The following B3GAT2 variants were observed in gnomAD, a reference collection of about 807,000 sequenced individuals.
The protein encoded by B3GAT2 is galactosylgalactosylxylosylprotein 3-beta-glucuronosyltransferase 2.
B3GAT2 carries 26 observed loss-of-function variants against 27.8 expected under a neutral mutation model. That is an observed-to-expected ratio of 0.93 (90% CI 0.68 to 1.30). The LOEUF (loss-of-function observed/expected upper bound fraction) is 1.30, where lower values mean the gene tolerates loss of function less well. Among genes scored for constraint, B3GAT2 ranks in the 50% most tolerant of loss-of-function variants. The pLI is 0.00. For missense variants in B3GAT2, 458 were observed against 459.0 expected (o/e 1.00, Z 0.02); for synonymous variants, 218 against 195.1 (o/e 1.12, Z -0.98).
intron 2 of B3GAT2, among the ~76,000 whole-genome samples, chr6:70,888,270 TA>T (rs1409449354): frequency 2.6e-5 from 4 of 151,954 alleles, no homozygotes; most frequent in Non-Finnish European, 5.9e-5. Context: ...TTACACAAAA[TA>T]GGTGTTCTGG....
intron 1 of B3GAT2, among the ~76,000 whole-genome samples, chr6:70,913,914 CT>C (rs1410282314): frequency 6.6e-6 from 1 of 152,152 alleles, no homozygotes; most frequent in Non-Finnish European, 1.5e-5. Flanking sequence ...ATATTTAAGT[CT>C]TCTTGTTGAA....
At chr6:70,926,935 G>A (rs1205009979) in intron 1 of B3GAT2, among the ~76,000 whole-genome samples, 1 of 152,138 alleles carries the variant, frequency 6.6e-6, no homozygotes, top group East Asian at 1.9e-4. Context: ...AGAAAGGTCG[G>A]GTTACCCACA....
At chr6:70,892,480 T>C (rs941021061) in intron 2 of B3GAT2, among the ~76,000 whole-genome samples, 3 of 152,196 alleles carry the variant, frequency 2.0e-5, no homozygotes, top group African/African-American at 7.2e-5. Context: ...TAAGGAGATA[T>C]GTCTGGGAAG....
chr6:70,891,232 CAGCTT>C (rs1772283797), intron 2 of B3GAT2, among the ~76,000 whole-genome samples: 1 of 152,190 alleles, frequency 6.6e-6, no homozygotes, highest in African/African-American at 2.4e-5. Flanking sequence ...GGCTACTGGT[CAGCTT>C]TGAAGCCAAC....
intron 2 of B3GAT2, among the ~76,000 whole-genome samples, chr6:70,869,177 T>C (rs1368572161): frequency 6.6e-6 from 1 of 152,194 alleles, no homozygotes; most frequent in East Asian, 1.9e-4. Flanking sequence ...ACTGTATTAC[T>C]GTAGTTTGCT....
In B3GAT2 at chr6:70,957,032, C is replaced by T. The variant is rs1765669708; in HGVS notation, c.-603G>A. On this transcript the variant is annotated 5_prime_UTR_variant, in exon 1 of 4. Transcript: ENST00000230053. ...CCTGCTCTCAGTCCCTTGCTCTTGTCTTCTCAGAACCTCTCCGGATCCAGC... is the reference window on the plus strand; with the variant it reads ...CCTGCTCTCAGTCCCTTGCTCTTGTTTTCTCAGAACCTCTCCGGATCCAGC... 3.7e-5 allele frequency: 37 copies of T among 988,410 alleles called. No homozygotes were observed. The highest frequency in any genetic ancestry group is 4.4e-5 in the Non-Finnish European group (37 of 832,222). The allele number at this position is 988,410 out of a possible 1,614,324, so 61.2% of individuals were successfully genotyped here. A position where few individuals can be genotyped will look rare whatever the true frequency, so the allele number is the denominator to read the frequency against.
At chr6:70,936,171 G>A (rs912754106) in intron 1 of B3GAT2, among the ~76,000 whole-genome samples, 2 of 151,964 alleles carry the variant, frequency 1.3e-5, no homozygotes, top group African/African-American at 2.4e-5. Context: ...GTTACATAAC[G>A]GTAAAGGGAT....
chr6:70,888,362 C>T (rs1772225470), intron 2 of B3GAT2, among the ~76,000 whole-genome samples: 2 of 152,146 alleles, frequency 1.3e-5, no homozygotes, highest in African/African-American at 4.8e-5. Flanking sequence ...CAAATTACAC[C>T]AATTAAAATT....
chr6:70,898,736 C>T (rs534446324), intron 1 of B3GAT2, among the ~76,000 whole-genome samples: 24 of 152,260 alleles, frequency 1.6e-4, no homozygotes, highest in African/African-American at 5.5e-4. Flanking sequence ...TAAGATTGTG[C>T]CCTGCACACA....
chr6:70,883,772 C>T (rs1772135562), intron 2 of B3GAT2, among the ~76,000 whole-genome samples: 1 of 152,142 alleles, frequency 6.6e-6, no homozygotes, highest in Admixed American at 6.5e-5. Context: ...AACTTGCATT[C>T]CCAATGAATA....
At position 70,906,324 on chromosome 6, in the gene B3GAT2, C is replaced by A. The variant is rs111619600; in HGVS notation, c.592-12052G>T. Among the ~76,000 whole-genome samples the A allele has an allele frequency of 4.4e-3, 667 of 152,120 alleles. 8 individuals carry two copies. The highest frequency in any genetic ancestry group is 0.015 in the African/African-American group (632 of 41,502). ...TACTCTACCACGACCACACACATAC[C>A]TAGAGCATTCTCTCATAGCAATTTT... On this transcript the variant is annotated intron_variant, in intron 1 of 3. Coordinates refer to ENST00000230053, the MANE Select transcript of B3GAT2 (RefSeq NM_080742.3).
chr6:70,944,391 C>G (rs1026411889), intron 1 of B3GAT2, among the ~76,000 whole-genome samples: 1 of 152,074 alleles, frequency 6.6e-6, no homozygotes, highest in African/African-American at 2.4e-5. Context: ...ACTTTTCTGA[C>G]AGGCTTAAAA....
chr6:70,862,974 T>C (rs1371489281), intron 2 of B3GAT2, among the ~76,000 whole-genome samples: 1 of 152,174 alleles, frequency 6.6e-6, no homozygotes, highest in Non-Finnish European at 1.5e-5. Flanking sequence ...TGAGGCCCTG[T>C]CTCAAAGAAA....
At chr6:70,905,575 C>A (rs982789726) in intron 1 of B3GAT2, among the ~76,000 whole-genome samples, 3 of 152,146 alleles carry the variant, frequency 2.0e-5, no homozygotes, top group African/African-American at 4.8e-5. Flanking sequence ...ATATATTCCC[C>A]AAAATGGGTT....
intron 1 of B3GAT2, among the ~76,000 whole-genome samples, chr6:70,932,120 T>C (rs1009483492): frequency 2.6e-5 from 4 of 152,194 alleles, no homozygotes; most frequent in Middle Eastern, 6.3e-3. Flanking sequence ...TTTTTTTGCA[T>C]GGCTATTACC....
At chr6:70,927,079 C>G (rs537307758) in intron 1 of B3GAT2, among the ~76,000 whole-genome samples, 2 of 152,222 alleles carry the variant, frequency 1.3e-5, no homozygotes, top group African/African-American at 4.8e-5. Context: ...CCAAACTAAG[C>G]TTCATAAGTG....
chr6:70,911,940 C>T (rs902914826), intron 1 of B3GAT2, among the ~76,000 whole-genome samples: 8 of 152,022 alleles, frequency 5.3e-5, no homozygotes, highest in African/African-American at 1.9e-4. Context: ...TTGATTGGCT[C>T]TCAGCTTGGA....
At chr6:70,932,883 C>T (rs1420007932) in intron 1 of B3GAT2, among the ~76,000 whole-genome samples, 1 of 152,116 alleles carries the variant, frequency 6.6e-6, no homozygotes, top group Non-Finnish European at 1.5e-5. Context: ...AGCACCACAA[C>T]CTCAAACTCC....
rs139670023 is a variant in B3GAT2, at chr6:70,911,375, C to T, written c.592-17103G>A. 2.0e-5 allele frequency among the ~76,000 whole-genome samples: 3 copies of T among 152,240 alleles called. No individual in the cohort carries two copies. The East Asian group carries it at 5.8e-4, about 29-fold the overall frequency. On this transcript the variant is annotated intron_variant, in intron 1 of 3. Transcript: ENST00000230053. Reference sequence around the variant, plus strand: ...GTTTTAATCTTCTGCATATGGGTAGCGATCCATCCCGAATCACTTATTGAC... The same window carrying T: ...GTTTTAATCTTCTGCATATGGGTAGTGATCCATCCCGAATCACTTATTGAC...
Sources: allele counts gnomAD v4.1 joint callset (sites outside exome capture counted in the v4.1 genomes callset), GRCh38; gene constraint gnomAD v4.1.1; transcripts MANE v1.5; gene names NCBI Gene and HGNC (gene_info 2026-07-23, HGNC 2026-07-21).